The following PAPPA2 variants were observed in gnomAD, a reference collection of about 807,000 sequenced individuals.
PAPPA2 encodes pappalysin 2.
A neutral mutation model predicts 176.4 loss-of-function variants in PAPPA2; 86 were observed. The observed-to-expected ratio is 0.49, with a 90% CI of 0.41 to 0.58. The LOEUF is 0.58. Among genes scored for constraint, PAPPA2 ranks in the 20% least tolerant of loss-of-function variants. The pLI is 0.00. For missense variants in PAPPA2, 2,073 were observed against 2,256.9 expected (o/e 0.92, Z 1.65); for synonymous variants, 809 against 852.2 (o/e 0.95, Z 0.88).
At chr1:176,676,226 G>T (rs1267257266) in intron 4 of PAPPA2, among the ~76,000 whole-genome samples, 1 of 151,930 alleles carries the variant, frequency 6.6e-6, no homozygotes, top group Non-Finnish European at 1.5e-5. Context: ...TGGACTCCTG[G>T]TCATTAATCC....
intron 6 of PAPPA2, among the ~76,000 whole-genome samples, chr1:176,693,910 A>G (rs1036637446): frequency 1.3e-5 from 2 of 152,220 alleles, no homozygotes; most frequent in South Asian, 2.1e-4. Context: ...CATGTAAACA[A>G]TTTAATCTTT....
chr1:176,744,523 C>T (rs1662820462), intron 14 of PAPPA2, among the ~76,000 whole-genome samples: 1 of 152,124 alleles, frequency 6.6e-6, no homozygotes, highest in Admixed American at 6.5e-5. Flanking sequence ...ACGGCTTTTG[C>T]CACTGGTTCC....
chr1:176,500,702 G>A (rs2064295), intron 1 of PAPPA2, among the ~76,000 whole-genome samples: 57,422 of 151,438 alleles, frequency 0.38, 12,984 homozygotes, highest in African/African-American at 0.62. Context: ...TTCTGCAGTC[G>A]TGCAATAAGT....
rs141079326 is a variant in PAPPA2 at position 176,828,296 on chromosome 1, C to G, written c.5203-11877C>G. On this transcript the variant is annotated intron_variant, in intron 21 of 22. Transcript: ENST00000367662. ...GCAAGGGTTCATAAAACCACATGTA[C>G]AAACCTTGTAGTACACACCACACAC... Among the ~76,000 whole-genome samples, 645 of 152,256 alleles carry G rather than the reference C, an allele frequency of 4.2e-3. 10 individuals are homozygous for G. The highest frequency in any genetic ancestry group is 0.015 in the African/African-American group (613 of 41,558).
intron 2 of PAPPA2, among the ~76,000 whole-genome samples, chr1:176,588,106 C>G (rs917589552): frequency 1.3e-5 from 2 of 152,106 alleles, no homozygotes; most frequent in African/African-American, 4.8e-5. Flanking sequence ...GTTTGTAGTT[C>G]TTCTTGAAGA....
chr1:176,504,113 A>T (rs962213190), intron 1 of PAPPA2, among the ~76,000 whole-genome samples: 20 of 152,222 alleles, frequency 1.3e-4, no homozygotes, highest in Non-Finnish European at 1.3e-4. Flanking sequence ...TTTACCCTCT[A>T]TGACATACTG....
At chr1:176,778,415 T>G (rs1326881698) in intron 17 of PAPPA2, among the ~76,000 whole-genome samples, 1 of 152,220 alleles carries the variant, frequency 6.6e-6, no homozygotes, top group South Asian at 2.1e-4. Context: ...GGCAAGGGCA[T>G]GTCCTGGAGA....
At chr1:176,570,862 C>T (rs761765969) in intron 2 of PAPPA2, among the ~76,000 whole-genome samples, 2 of 152,114 alleles carry the variant, frequency 1.3e-5, no homozygotes, top group Non-Finnish European at 2.9e-5. Flanking sequence ...TTGAGGAAGG[C>T]AGCTGTTCGT....
At chr1:176,789,518 G>A (rs1050820006) in intron 17 of PAPPA2, among the ~76,000 whole-genome samples, 8 of 151,970 alleles carry the variant, frequency 5.3e-5, no homozygotes, top group African/African-American at 1.7e-4. Context: ...AAACCTGCAC[G>A]TTGTGCACAT....
chr1:176,810,779 A>G (rs1166316469), intron 21 of PAPPA2, among the ~76,000 whole-genome samples: 2 of 152,206 alleles, frequency 1.3e-5, no homozygotes, highest in African/African-American at 4.8e-5. Flanking sequence ...TCCAGCAATC[A>G]GTTTTACCAG....
intron 1 of PAPPA2, among the ~76,000 whole-genome samples, chr1:176,500,853 G>A (rs1471913226): frequency 2.6e-5 from 4 of 151,592 alleles, no homozygotes; most frequent in East Asian, 1.9e-4. Flanking sequence ...GAAGTCATCC[G>A]GAGGCAGCTT....
intron 4 of PAPPA2, among the ~76,000 whole-genome samples, chr1:176,675,521 A>G (rs1659241851): frequency 6.6e-6 from 1 of 152,218 alleles, no homozygotes; most frequent in Non-Finnish European, 1.5e-5. Flanking sequence ...AGAAATGAAT[A>G]GATGGGTTTA....
chr1:176,616,031 A>G (rs1047122879), intron 3 of PAPPA2, among the ~76,000 whole-genome samples: 16 of 152,226 alleles, frequency 1.1e-4, no homozygotes, highest in Non-Finnish European at 1.9e-4. Context: ...TATGAATGAC[A>G]AGCACATTTT....
intron 1 of PAPPA2, among the ~76,000 whole-genome samples, chr1:176,475,220 A>T (rs1451107909): frequency 6.6e-6 from 1 of 152,194 alleles, no homozygotes; most frequent in African/African-American, 2.4e-5. Context: ...TGAGAAAGCC[A>T]CACTGTCATT....
chr1:176,797,907 A>G (rs1474963346), intron 20 of PAPPA2, among the ~76,000 whole-genome samples: 1 of 152,238 alleles, frequency 6.6e-6, no homozygotes, highest in Admixed American at 6.5e-5. Flanking sequence ...TATGATTTTC[A>G]TAGAAGAAGG....
intron 1 of PAPPA2, among the ~76,000 whole-genome samples, chr1:176,503,007 G>T (rs1477972354): frequency 6.6e-6 from 1 of 152,134 alleles, no homozygotes; most frequent in African/African-American, 2.4e-5. Flanking sequence ...AAATTTCGTG[G>T]TTTAAAATGA....
intron 3 of PAPPA2, among the ~76,000 whole-genome samples, chr1:176,660,812 T>C (rs1470154542): frequency 6.6e-6 from 1 of 152,160 alleles, no homozygotes; most frequent in Non-Finnish European, 1.5e-5. Context: ...AATTACTTCT[T>C]TCTTGTCTAA....
rs775255067 is a variant in PAPPA2, at chr1:176,699,598, G to A, written c.3236+9G>A. On this transcript the variant is annotated intron_variant, in intron 8 of 22. Coordinates refer to ENST00000367662, the MANE Select transcript of PAPPA2 (RefSeq NM_020318.3). ...AGGAAGTTCACGGACGTGTGAGTTTGGTAGCATGACTATGGGGCTTCCTGA... is the reference window on the plus strand; with the variant it reads ...AGGAAGTTCACGGACGTGTGAGTTTAGTAGCATGACTATGGGGCTTCCTGA... 1.3e-6 allele frequency: 2 copies of A among 1,591,688 alleles called. No homozygotes were observed. The highest frequency in any genetic ancestry group is 2.3e-5 in the South Asian group (2 of 88,554).
Position 176,556,962 on chromosome 1 carries a change from G to A in PAPPA2, c.640G>A (p.Gly214Ser), listed in dbSNP as rs374673204. Residue 214 changes from glycine (G) to serine (S), a missense_variant, in exon 2 of 23, where the codon GGT becomes AGT. By Grantham distance (56) the Gly-to-Ser change is moderately conservative. Coordinates refer to ENST00000367662, the MANE Select transcript of PAPPA2 (RefSeq NM_020318.3). ...RRAEDGQGDS[G>S]ISSHFQPWPK... ...GGCGGAAGATGGGCAGGGAGACTCC[G>A]GTATCTCTTCACATTTCCAACCTTG... 1.5e-5 allele frequency: 24 copies of A among 1,613,868 alleles called. No individual in the cohort carries two copies. The highest frequency in any genetic ancestry group is 8.3e-5 in the Admixed American group (5 of 59,986).
Sources: allele counts gnomAD v4.1 joint callset (sites outside exome capture counted in the v4.1 genomes callset), GRCh38; gene constraint gnomAD v4.1.1; transcripts MANE v1.5; gene names NCBI Gene and HGNC (gene_info 2026-07-23, HGNC 2026-07-21).